PHACTR3: variants seen among roughly 807,000 people sequenced by gnomAD.
The protein encoded by PHACTR3 is protein phosphatase 1, regulatory subunit 123.
A neutral mutation model predicts 66.8 loss-of-function variants in PHACTR3; 16 were observed. The ratio of observed to expected loss-of-function variants is 0.24; its 90% CI spans 0.16 to 0.36. The LOEUF (loss-of-function observed/expected upper bound fraction) is 0.36. PHACTR3 is among the 10% of genes least tolerant of loss of function. The probability of loss-of-function intolerance (pLI) is 1.00; values close to 1 mark genes in which losing one functional copy is unlikely to be tolerated. For missense variants in PHACTR3, 647 were observed against 719.9 expected (o/e 0.90, Z 1.16); for synonymous variants, 323 against 292.1 (o/e 1.11, Z -1.08).
intron 1 of PHACTR3, among the ~76,000 whole-genome samples, chr20:59,716,722 G>A (rs1445828417): frequency 2.6e-5 from 4 of 152,246 alleles, no homozygotes; most frequent in South Asian, 2.1e-4. Context: ...GATTATTTTT[G>A]TTTTAATGTC....
chr20:59,759,665 C>A (rs2039929404), intron 4 of PHACTR3, among the ~76,000 whole-genome samples: 1 of 152,218 alleles, frequency 6.6e-6, no homozygotes, highest in East Asian at 1.9e-4. Flanking sequence ...CCGGTTTCTA[C>A]TGCAGAGCTC....
intron 1 of PHACTR3, among the ~76,000 whole-genome samples, chr20:59,667,126 A>G (rs2036019557): frequency 6.6e-6 from 1 of 152,186 alleles, no homozygotes; most frequent in South Asian, 2.1e-4. Flanking sequence ...ATGAGATTCT[A>G]TTTTAAGTTC....
intron 11 of PHACTR3, among the ~76,000 whole-genome samples, chr20:59,842,354 G>A (rs980498492): frequency 6.6e-6 from 1 of 152,184 alleles, no homozygotes; most frequent in African/African-American, 2.4e-5. Context: ...TTCATATGCT[G>A]AGTATGAGTA....
chr20:59,577,536 C>A, exon 1 of PHACTR3: 1 of 1,172,326 alleles, frequency 8.5e-7, no homozygotes, highest in South Asian at 4.2e-5. Flanking sequence ...GGGGCGCGCC[C>A]GCTGTCCTGC....
intron 6 of PHACTR3, 78 bp downstream of exon 6, chr20:59,773,531 C>T: frequency 7.0e-7 from 1 of 1,432,946 alleles, no homozygotes; most frequent in Non-Finnish European, 9.3e-7. Context: ...CAGCTCATGC[C>T]ACGCCCAGGG....
chr20:59,805,540 G>A (rs1006263798), intron 7 of PHACTR3, among the ~76,000 whole-genome samples: 5 of 152,172 alleles, frequency 3.3e-5, no homozygotes, highest in Non-Finnish European at 7.4e-5. Context: ...TGGCAAGGCT[G>A]TGCGGTAGGC....
chr20:59,756,332 T>C (rs532132815), intron 4 of PHACTR3, among the ~76,000 whole-genome samples: 8 of 152,308 alleles, frequency 5.3e-5, no homozygotes, highest in Admixed American at 5.2e-4. Context: ...TCCGTGAGTG[T>C]GGGAGGTTGG....
At chr20:59,745,389 C>T (rs1432380578) in intron 2 of PHACTR3, among the ~76,000 whole-genome samples, 1 of 152,156 alleles carries the variant, frequency 6.6e-6, no homozygotes, top group Admixed American at 6.5e-5. Context: ...CCAAGCTGTG[C>T]CGTGTGAGTT....
chr20:59,696,130 G>T (rs1183129671), intron 1 of PHACTR3, among the ~76,000 whole-genome samples: 1 of 152,150 alleles, frequency 6.6e-6, no homozygotes, highest in African/African-American at 2.4e-5. Context: ...CTTTATTTAG[G>T]AAGAGTGAAC....
chr20:59,761,799 A>G (rs1208498806), intron 4 of PHACTR3, among the ~76,000 whole-genome samples: 6 of 152,138 alleles, frequency 3.9e-5, no homozygotes, highest in Non-Finnish European at 8.8e-5. Context: ...AGGTATTTCC[A>G]TTCCTAGCCC....
intron 1 of PHACTR3, among the ~76,000 whole-genome samples, chr20:59,639,086 TGG>T (rs1491055916): frequency 1.1e-3 from 162 of 147,762 alleles, no homozygotes; most frequent in Admixed American, 3.0e-3. Flanking sequence ...GATGGATGGA[TGG>T]ATGGATGGAT....
Position 59,767,308 on chromosome 20 carries a change from G to A in PHACTR3, c.664G>A (p.Glu222Lys), listed in dbSNP as rs1462411157. 6 of 1,614,078 alleles carry A rather than the reference G, an allele frequency of 3.7e-6. No homozygotes were observed. Among genetic ancestry groups the A allele is most frequent in the Middle Eastern group, 1.6e-4 (1 of 6,080 alleles). Reference sequence around the variant, plus strand: ...CCTGGACAGTCCTCCCAGACCTCTGGAGAGATCCGTGGGCCAGCTCCCCAG... The same window carrying A: ...CCTGGACAGTCCTCCCAGACCTCTGAAGAGATCCGTGGGCCAGCTCCCCAG... Reference protein sequence around the residue: ...DSLDSPPRPLERSVGQLPSPP... With the variant: ...DSLDSPPRPLKRSVGQLPSPP... Residue 222 changes from glutamate to lysine, a missense_variant, in exon 5 of 13, where the codon GAG becomes AAG. Physicochemically the swap from Glu to Lys is moderately conservative, Grantham distance 56. Transcript: ENST00000371015.
In PHACTR3 at chr20:59,736,256, G is replaced by A. The variant is rs2038939353; in HGVS notation, c.119-6851G>A. 6.6e-6 allele frequency among the ~76,000 whole-genome samples: 1 copy of A among 152,124 alleles called. No individual in the cohort carries two copies. The highest frequency in any genetic ancestry group is 1.5e-5 in the Non-Finnish European group (1 of 68,014). ...GCCTCAGAGGTGGCAGAGGTGCAGT[G>A]GAACCTGGCACTACTGTTATTCAGA... On this transcript the variant is annotated intron_variant, in intron 1 of 12. Transcript: ENST00000371015. The surrounding 1 kb of genome is among the most constrained non-coding windows in gnomAD (Gnocchi z 4.6).
chr20:59,709,735 T>A (rs1034861337), intron 1 of PHACTR3, among the ~76,000 whole-genome samples: 17 of 152,142 alleles, frequency 1.1e-4, no homozygotes, highest in African/African-American at 3.9e-4. Context: ...GCCTCCCCTT[T>A]GTCCAGGATG....
Position 59,830,856 on chromosome 20 carries a change from G to A in PHACTR3, c.1329-5649G>A, listed in dbSNP as rs545673813. On this transcript the variant is annotated intron_variant, in intron 8 of 12. Transcript: ENST00000371015. This position sits in a 1 kb window ranked among gnomAD's most constrained non-coding sequence, Gnocchi z 5.8. ...GCTGGAACTGGAATCCTAGCTCTGTGCCAGTGCTGGGGCACCAGTGCTGAC... is the reference window on the plus strand; with the variant it reads ...GCTGGAACTGGAATCCTAGCTCTGTACCAGTGCTGGGGCACCAGTGCTGAC... Among the ~76,000 whole-genome samples, 4 of 152,276 alleles carry A rather than the reference G, an allele frequency of 2.6e-5. No individual in the cohort carries two copies. The East Asian group carries it at 5.8e-4, about 22-fold the overall frequency.
intron 7 of PHACTR3, among the ~76,000 whole-genome samples, chr20:59,795,938 G>A (rs115262021): frequency 9.2e-5 from 14 of 152,078 alleles, no homozygotes; most frequent in African/African-American, 1.9e-4. Flanking sequence ...CTCTATTTTA[G>A]CTGGAGACTT....
At chr20:59,786,365 C>T (rs886749176) in intron 7 of PHACTR3, among the ~76,000 whole-genome samples, 3 of 152,230 alleles carry the variant, frequency 2.0e-5, no homozygotes, top group Non-Finnish European at 2.9e-5. Flanking sequence ...GAGAACCTGA[C>T]AACTCAATGA....
At chr20:59,642,297 A>G (rs949692920) in intron 1 of PHACTR3, among the ~76,000 whole-genome samples, 12 of 144,300 alleles carry the variant, frequency 8.3e-5, no homozygotes, top group African/African-American at 2.9e-4. Flanking sequence ...GTATCTGTTC[A>G]CTTTTATTTC....
intron 7 of PHACTR3, among the ~76,000 whole-genome samples, chr20:59,786,921 C>T (rs113190582): frequency 4.3e-4 from 45 of 104,976 alleles, no homozygotes; most frequent in African/African-American, 1.2e-3. Flanking sequence ...TGGTGATCTT[C>T]ACTAATCACT....
Sources: gnomAD v4.1 joint callset for allele counts (sites outside exome capture counted in the v4.1 genomes callset) on GRCh38, gnomAD v4.1.1 for gene constraint, Gnocchi (gnomAD v3.1) non-coding constraint, MANE v1.5 for transcripts, NCBI Gene and HGNC (gene_info 2026-07-23, HGNC 2026-07-21) for gene names.